The following MGMT variants were observed in gnomAD, a reference collection of about 807,000 sequenced individuals.
MGMT encodes the protein methylated-DNA--protein-cysteine methyltransferase.
MGMT carries 14 observed loss-of-function variants against 15.9 expected under a neutral mutation model. The ratio of observed to expected loss-of-function variants is 0.88; its 90% CI spans 0.58 to 1.37. The LOEUF is 1.37. MGMT is among the 40% of genes most tolerant of loss of function. The probability of loss-of-function intolerance (pLI) is 0.00; values close to 1 mark genes in which losing one functional copy is unlikely to be tolerated. For missense variants in MGMT, 282 were observed against 268.1 expected (o/e 1.05, Z -0.36); for synonymous variants, 130 against 118.2 (o/e 1.10, Z -0.65).
chr10:129,615,916 C>T (rs1847020297), intron 2 of MGMT, among the ~76,000 whole-genome samples: 1 of 152,106 alleles, frequency 6.6e-6, no homozygotes, highest in African/African-American at 2.4e-5. Flanking sequence ...TAATGTGGCT[C>T]CTTCCCCAAG....
chr10:129,473,919 C>A (rs1302569187), intron 1 of MGMT, among the ~76,000 whole-genome samples: 1 of 152,050 alleles, frequency 6.6e-6, no homozygotes, highest in African/African-American at 2.4e-5. Context: ...TGCAGAGGGC[C>A]AGCCATGTCC....
At chr10:129,483,189 GTA>G (rs1283789967) in intron 1 of MGMT, among the ~76,000 whole-genome samples, 2 of 152,120 alleles carry the variant, frequency 1.3e-5, no homozygotes, top group Non-Finnish European at 2.9e-5. Flanking sequence ...CTTAACAAAA[GTA>G]TGCTTCAATT....
At chr10:129,617,435 G>A (rs1030967676) in intron 2 of MGMT, among the ~76,000 whole-genome samples, 3 of 151,982 alleles carry the variant, frequency 2.0e-5, no homozygotes, top group African/African-American at 7.3e-5. Flanking sequence ...TATTCCTTTG[G>A]GTGTGTGCCC....
intron 2 of MGMT, among the ~76,000 whole-genome samples, chr10:129,681,250 A>C (rs1211672051): frequency 6.6e-6 from 1 of 152,216 alleles, no homozygotes; most frequent in East Asian, 1.9e-4. Flanking sequence ...TATTCATTTG[A>C]GCTGGTAAGG....
intron 2 of MGMT, among the ~76,000 whole-genome samples, chr10:129,550,650 T>C (rs1453829742): frequency 6.6e-6 from 1 of 152,098 alleles, no homozygotes; most frequent in Non-Finnish European, 1.5e-5. Flanking sequence ...TTTCACCGTG[T>C]TGCCAGGATG....
intron 1 of MGMT, among the ~76,000 whole-genome samples, chr10:129,506,679 C>T (rs565296761): frequency 5.4e-4 from 82 of 152,274 alleles, no homozygotes; most frequent in Non-Finnish European, 7.5e-4. Context: ...TCCTATAATC[C>T]GCTCTATCCG....
At chr10:129,707,032 C>G (rs898791677) in intron 2 of MGMT, among the ~76,000 whole-genome samples, 1 of 152,066 alleles carries the variant, frequency 6.6e-6, no homozygotes, top group Non-Finnish European at 1.5e-5. Context: ...GGGGCCCACG[C>G]GGGCGGATCA....
intron 2 of MGMT, among the ~76,000 whole-genome samples, chr10:129,582,129 A>G (rs951062114): frequency 1.3e-5 from 2 of 152,196 alleles, no homozygotes; most frequent in Admixed American, 6.5e-5. Flanking sequence ...ACATCTGTGT[A>G]TGAAGGACAT....
rs1845991518 is a variant in MGMT at position 129,536,946 on chromosome 10, CT to C, written c.125+573del. ...GCCAGGGGGAAGGGCCCGAAAGCCC[CT>C]TTTCAGCATGACTTTAAGTTCTTGT... is the stretch of plus-strand genomic sequence containing the variant. On this transcript the variant is annotated intron_variant, in intron 2 of 4. Transcript: ENST00000651593. 6 of 152,252 alleles carry C rather than the reference CT, an allele frequency of 3.9e-5. No homozygotes were observed. The South Asian group carries it at 1.2e-3, about 32-fold the overall frequency. The allele number at this position is 152,252 out of a possible 1,614,324, so 9.4% of individuals were successfully genotyped here.
In MGMT at chr10:129,659,868, G is replaced by A. The variant is rs952662415; in HGVS notation, c.126-48027G>A. Reference sequence around the variant, plus strand: ...TGCCCAGCACCTGATGTTTGGGCACGGGCGACAGGACGTAGGGTGGTCATC... The same window carrying A: ...TGCCCAGCACCTGATGTTTGGGCACAGGCGACAGGACGTAGGGTGGTCATC... On this transcript the variant is annotated intron_variant, in intron 2 of 4. Coordinates refer to ENST00000651593, the MANE Select transcript of MGMT (RefSeq NM_002412.5). The surrounding 1 kb of genome is among the most constrained non-coding windows in gnomAD (Gnocchi z 4.1). Among the ~76,000 whole-genome samples, 11 of 152,138 alleles carry A rather than the reference G, an allele frequency of 7.2e-5. No homozygotes were observed. The highest frequency in any genetic ancestry group is 1.3e-4 in the Non-Finnish European group (9 of 68,024).
At chr10:129,487,429 T>C (rs1340109097) in intron 1 of MGMT, among the ~76,000 whole-genome samples, 3 of 152,078 alleles carry the variant, frequency 2.0e-5, no homozygotes, top group African/African-American at 7.2e-5. Context: ...AGAATAGGAA[T>C]GTGTGTGTGT....
intron 1 of MGMT, among the ~76,000 whole-genome samples, chr10:129,525,122 TCACA>T (rs895674339): frequency 1.3e-5 from 2 of 151,802 alleles, no homozygotes; most frequent in Non-Finnish European, 2.9e-5. Context: ...TCTATTTCTT[TCACA>T]CACACACACA....
intron 1 of MGMT, among the ~76,000 whole-genome samples, chr10:129,486,783 G>A (rs1008800892): frequency 2.6e-5 from 4 of 152,200 alleles, no homozygotes; most frequent in African/African-American, 7.2e-5. Context: ...TTAAGTGTGT[G>A]TCATCACTAG....
intron 3 of MGMT, among the ~76,000 whole-genome samples, chr10:129,734,965 G>A (rs1243646701): frequency 6.6e-6 from 1 of 152,170 alleles, no homozygotes; most frequent in Non-Finnish European, 1.5e-5. Flanking sequence ...CGGTTTGCCA[G>A]TATTTTATTG....
At chr10:129,630,754 C>A (rs1847200837) in intron 2 of MGMT, among the ~76,000 whole-genome samples, 1 of 152,356 alleles carries the variant, frequency 6.6e-6, no homozygotes, top group Middle Eastern at 3.4e-3. Flanking sequence ...CTGGCAAAGG[C>A]TGCTAAATAC....
intron 1 of MGMT, among the ~76,000 whole-genome samples, chr10:129,531,780 G>A (rs1326797200): frequency 2.2e-5 from 3 of 134,342 alleles, no homozygotes; most frequent in African/African-American, 8.2e-5. Flanking sequence ...GGGGGCTGGT[G>A]GGGGTGGGGG....
At chr10:129,684,991 G>A (rs184829233) in intron 2 of MGMT, among the ~76,000 whole-genome samples, 15 of 152,258 alleles carry the variant, frequency 9.9e-5, no homozygotes, top group Admixed American at 2.0e-4. Context: ...TGACAGGCCC[G>A]AGTAGCTGAT....
chr10:129,672,251 A>G (rs528413297), intron 2 of MGMT, among the ~76,000 whole-genome samples: 6 of 152,314 alleles, frequency 3.9e-5, no homozygotes, highest in Admixed American at 6.5e-5. Flanking sequence ...TCAGGCTTCC[A>G]TCATTCTTCT....
At chr10:129,480,563 A>T (rs1421337533) in intron 1 of MGMT, among the ~76,000 whole-genome samples, 1 of 152,172 alleles carries the variant, frequency 6.6e-6, no homozygotes, top group East Asian at 1.9e-4. Flanking sequence ...GGGTACCAGT[A>T]TTCTAACATT....
Sources: gnomAD v4.1 joint callset for allele counts (sites outside exome capture counted in the v4.1 genomes callset) on GRCh38, gnomAD v4.1.1 for gene constraint, Gnocchi (gnomAD v3.1) non-coding constraint, MANE v1.5 for transcripts, NCBI Gene and HGNC (gene_info 2026-07-23, HGNC 2026-07-21) for gene names.